TFB1M: variants seen among roughly 807,000 people sequenced by gnomAD.
The protein encoded by TFB1M is dimethyladenosine transferase 1, mitochondrial.
A neutral mutation model predicts 31.1 loss-of-function variants in TFB1M; 27 were observed. That is an observed-to-expected ratio of 0.87 (90% CI 0.64 to 1.20). The LOEUF (loss-of-function observed/expected upper bound fraction) is 1.20. Ranked by LOEUF, TFB1M falls within the 50% of genes most tolerant of loss-of-function variation. The pLI is 0.00. For synonymous variants in TFB1M, 166 were observed against 151.8 expected (o/e 1.09, Z -0.69); for missense variants, 394 against 418.7 (o/e 0.94, Z 0.51).
At chr6:155,248,007 T>C in the TFB1M span, 4 of 1,613,852 alleles carry the variant, frequency 2.5e-6, no homozygotes, top group African/African-American at 4.0e-5. Context: ...TAGCTAAAAC[T>C]GACAAAGCCT....
rs79140761 is a variant in TFB1M, at chr6:155,297,127, C to T, written c.395-23G>A. ...GATCTGGTGGCAGAGGAAAAAACAA[C>T]CTGAAATGATTCCATCAATATATTC... is the stretch of plus-strand genomic sequence containing the variant. On this transcript the variant is annotated intron_variant, in intron 3 of 6. Coordinates refer to ENST00000367166, the MANE Select transcript of TFB1M (RefSeq NM_016020.4). 4.3e-6 allele frequency: 7 copies of T among 1,610,258 alleles called. No homozygotes were observed. The East Asian group carries it at 8.9e-5, about 21-fold the overall frequency.
intron 2 of TFB1M, among the ~76,000 whole-genome samples, chr6:155,299,846 G>T (rs977726337): frequency 6.6e-6 from 1 of 152,160 alleles, no homozygotes; most frequent in African/African-American, 2.4e-5. Flanking sequence ...CAAGAAACAT[G>T]GCTTGTGGAT....
chr6:155,303,920 T>C (rs1777547499), intron 2 of TFB1M, among the ~76,000 whole-genome samples: 1 of 152,152 alleles, frequency 6.6e-6, no homozygotes, highest in African/African-American at 2.4e-5. Context: ...ACAAAGCTAG[T>C]AGGTGGCATA....
chr6:155,267,442 A>C lies in TFB1M; in HGVS notation c.667-7042T>G, dbSNP rs1032002898. On this transcript the variant is annotated intron_variant, in intron 5 of 6. Transcript: ENST00000367166. ...AGACCAGGTGGTCTTCAGTATGTCC[A>C]AAGAACAAAAGGAAGGTTGGGAGTT... is the stretch of plus-strand genomic sequence containing the variant. Among the ~76,000 whole-genome samples, 6 of 152,268 alleles carry C rather than the reference A, an allele frequency of 3.9e-5. No individual in the cohort carries two copies. In the East Asian group the frequency reaches 1.2e-3, roughly 29 times the overall value.
intron 2 of TFB1M, among the ~76,000 whole-genome samples, chr6:155,310,100 C>T (rs919235715): frequency 6.6e-6 from 1 of 152,046 alleles, no homozygotes; most frequent in Admixed American, 6.6e-5. Flanking sequence ...CTTCTCAAAC[C>T]GTTCTGACAG....
At chr6:155,297,576 A>G (rs1254774487) in intron 3 of TFB1M, among the ~76,000 whole-genome samples, 1 of 152,116 alleles carries the variant, frequency 6.6e-6, no homozygotes, top group African/African-American at 2.4e-5. Context: ...AAAAAGAAAA[A>G]CCCCAGAAAC....
At chr6:155,260,968 C>G (rs755777679) in intron 5 of TFB1M, 28 of 167,268 alleles carry the variant, frequency 1.7e-4, no homozygotes, top group Admixed American at 5.0e-4. Context: ...ATAGGCAGGA[C>G]TGAAATTGAA....
intron 3 of TFB1M, among the ~76,000 whole-genome samples, chr6:155,297,947 C>A (rs1002074918): frequency 1.3e-5 from 2 of 152,188 alleles, no homozygotes; most frequent in Non-Finnish European, 2.9e-5. Context: ...GATGTGGAGG[C>A]ACCTAAGCCC....
rs1441405619 is a variant in TFB1M at position 155,305,388 on chromosome 6, A to C, written c.285+5800T>G. ...TATATATAAATATATATTAAATTGT[A>C]TATTTATATATATAAATATATTATT... On this transcript the variant is annotated intron_variant, in intron 2 of 6. Coordinates refer to ENST00000367166, the MANE Select transcript of TFB1M (RefSeq NM_016020.4). Among the ~76,000 whole-genome samples, 4 of 31,222 alleles carry C rather than the reference A, an allele frequency of 1.3e-4. 1 individual carries two copies. The highest frequency in any genetic ancestry group is 2.0e-4 in the Non-Finnish European group (4 of 20,394). The allele number at this position is 31,222 out of a possible 152,430, so 20.5% of individuals were successfully genotyped here.
At chr6:155,278,328 T>G (rs1291197812) in intron 5 of TFB1M, among the ~76,000 whole-genome samples, 2 of 152,246 alleles carry the variant, frequency 1.3e-5, no homozygotes, top group African/African-American at 2.4e-5. Flanking sequence ...ATGAATTTAA[T>G]AAATGCTCTC....
downstream of TFB1M, among the ~76,000 whole-genome samples, chr6:155,251,706 C>T (rs1216038497): frequency 6.6e-6 from 1 of 152,154 alleles, no homozygotes; most frequent in African/African-American, 2.4e-5. Flanking sequence ...TTCAATAAAA[C>T]AAAGAGTTTA....
At chr6:155,286,657 A>G (rs987912409) in intron 4 of TFB1M, among the ~76,000 whole-genome samples, 1 of 148,024 alleles carries the variant, frequency 6.8e-6, no homozygotes, top group Non-Finnish European at 1.5e-5. Flanking sequence ...GTGTATATAT[A>G]TATGTATATA....
intron 4 of TFB1M, among the ~76,000 whole-genome samples, chr6:155,294,642 A>C (rs1025565391): frequency 6.6e-6 from 1 of 152,252 alleles, no homozygotes; most frequent in Non-Finnish European, 1.5e-5. Context: ...ATAAAAATGT[A>C]CAAGTCTGGC....
chr6:155,260,244 C>A (rs774563041), intron 6 of TFB1M, 29 bp downstream of exon 6: 7 of 1,613,234 alleles, frequency 4.3e-6, no homozygotes, highest in Non-Finnish European at 5.9e-6. Flanking sequence ...ATAAAGACTG[C>A]AACTGAAGAG....
At chr6:155,263,028 G>A (rs117876502) in intron 5 of TFB1M, among the ~76,000 whole-genome samples, 159 of 152,258 alleles carry the variant, frequency 1.0e-3, no homozygotes, top group Non-Finnish European at 2.1e-3. Flanking sequence ...GGGAGATTCT[G>A]TAAAACTCAG....
intron 5 of TFB1M, chr6:155,260,791 C>CA (rs1363474773): frequency 3.0e-6 from 1 of 336,162 alleles, no homozygotes; most frequent in African/African-American, 2.1e-5. Context: ...CTTCAAGACA[C>CA]AGAGAGATGG....
At position 155,256,744 on chromosome 6, in the gene TFB1M, C is replaced by G; in HGVS notation, c.*1092G>C. ...GAGCGATGAAGATGATGACCACCGT[C>G]AGACTGTGAAGCAGGGCAGCCCTAC... On this transcript the variant is annotated 3_prime_UTR_variant, in exon 7 of 7. Coordinates refer to ENST00000367166, the MANE Select transcript of TFB1M (RefSeq NM_016020.4). 6.2e-7 allele frequency: 1 copy of G among 1,614,224 alleles called. No homozygotes were observed.
intron 4 of TFB1M, among the ~76,000 whole-genome samples, 169 bp downstream of exon 4, chr6:155,296,784 T>C: frequency 6.6e-6 from 1 of 152,236 alleles, no homozygotes; most frequent in East Asian, 1.9e-4. Context: ...AGCAGTTACA[T>C]CTGTCATCAT....
intron 4 of TFB1M, among the ~76,000 whole-genome samples, chr6:155,291,204 T>C (rs974638622): frequency 3.3e-5 from 5 of 152,132 alleles, no homozygotes; most frequent in Non-Finnish European, 7.4e-5. Context: ...GATCTAACAC[T>C]AAAAACATGT....
Sources: gnomAD v4.1 joint callset for allele counts (sites outside exome capture counted in the v4.1 genomes callset) on GRCh38, gnomAD v4.1.1 for gene constraint, MANE v1.5 for transcripts, NCBI Gene and HGNC (gene_info 2026-07-23, HGNC 2026-07-21) for gene names.